ADGRB3: variants seen among roughly 807,000 people sequenced by gnomAD.
ADGRB3 encodes the protein brain-specific angiogenesis inhibitor 3.
A neutral mutation model predicts 193.4 loss-of-function variants in ADGRB3; 37 were observed. That is an observed-to-expected ratio of 0.19 (90% confidence interval 0.15 to 0.25). ADGRB3 has a LOEUF of 0.25. Ranked by LOEUF, ADGRB3 falls within the 10% of genes least tolerant of loss-of-function variation. The pLI is 1.00. For missense variants in ADGRB3, 1,637 were observed against 1,852.9 expected (o/e 0.88, Z 2.14); for synonymous variants, 690 against 644.2 (o/e 1.07, Z -1.08).
intron 3 of ADGRB3, among the ~76,000 whole-genome samples, chr6:68,822,594 C>G (rs1767766426): frequency 6.6e-6 from 1 of 152,038 alleles, no homozygotes; most frequent in East Asian, 1.9e-4. Context: ...AATTCAAAAG[C>G]TACCATTCAA....
chr6:69,368,966 T>TA (rs753647573), intron 29 of ADGRB3, among the ~76,000 whole-genome samples: 6 of 152,140 alleles, frequency 3.9e-5, no homozygotes, highest in Non-Finnish European at 7.4e-5. Context: ...TTCCATTACC[T>TA]ACTTTGAGAA....
chr6:69,274,153 G>A (rs547707798), intron 20 of ADGRB3, among the ~76,000 whole-genome samples: 2 of 152,294 alleles, frequency 1.3e-5, no homozygotes, highest in African/African-American at 4.8e-5. Context: ...ACATTGAAGT[G>A]TTCTCAGTTC....
At chr6:69,061,171 C>T (rs191506338) in intron 15 of ADGRB3, among the ~76,000 whole-genome samples, 135 of 151,854 alleles carry the variant, frequency 8.9e-4, no homozygotes, top group African/African-American at 2.9e-3. Context: ...TAACTCTTTA[C>T]TCTTAGGCTG....
At chr6:68,849,211 G>T (rs570579107) in intron 3 of ADGRB3, among the ~76,000 whole-genome samples, 1 of 152,070 alleles carries the variant, frequency 6.6e-6, no homozygotes, top group East Asian at 1.9e-4. Flanking sequence ...CCCAGTGAAA[G>T]TACTTCCTAA....
chr6:69,031,390 G>A (rs375274279), intron 13 of ADGRB3, among the ~76,000 whole-genome samples: 6 of 147,152 alleles, frequency 4.1e-5, no homozygotes, highest in East Asian at 2.0e-4. Context: ...GCAGTGAGCC[G>A]AGATCATGCC....
intron 3 of ADGRB3, among the ~76,000 whole-genome samples, chr6:68,847,378 G>A (rs548771617): frequency 6.6e-6 from 1 of 152,194 alleles, no homozygotes; most frequent in South Asian, 2.1e-4. Flanking sequence ...TGGGGCCAGG[G>A]GTGGAAATAC....
In ADGRB3 at chr6:69,361,374, C is replaced by G; in HGVS notation, c.4101C>G (p.Leu1367=). ...DQFNMNLEQH[L]APQEHMQNLP... ...TCAATATGAACTTAGAGCAACATCT[C>G]GCACCCCAGGAACATATGCAGAATT... is the stretch of plus-strand genomic sequence containing the variant. Residue 1367 remains leucine, a synonymous_variant, in exon 29 of 32, where the codon CTC becomes CTG. Coordinates refer to ENST00000370598, the MANE Select transcript of ADGRB3 (RefSeq NM_001704.3). The G allele has an allele frequency of 6.2e-7, 1 of 1,612,984 alleles. No homozygotes were observed.
chr6:69,118,538 G>A (rs1773596191), intron 17 of ADGRB3, among the ~76,000 whole-genome samples: 1 of 152,074 alleles, frequency 6.6e-6, no homozygotes, highest in African/African-American at 2.4e-5. Context: ...CTTCAAGTAA[G>A]TGTATATGAT....
intron 3 of ADGRB3, among the ~76,000 whole-genome samples, chr6:68,864,178 G>T (rs771692497): frequency 1.9e-4 from 29 of 152,134 alleles, no homozygotes; most frequent in Non-Finnish European, 5.9e-5. Context: ...TTTAGTGCAT[G>T]GATTTGTAAT....
chr6:68,911,812 CTT>C (rs79737496), intron 3 of ADGRB3, among the ~76,000 whole-genome samples: 93 of 119,886 alleles, frequency 7.8e-4, no homozygotes, highest in African/African-American at 1.0e-3. Flanking sequence ...TGGAAAATTA[CTT>C]TTTTTTTTTT....
intron 17 of ADGRB3, among the ~76,000 whole-genome samples, chr6:69,092,701 A>G (rs921572364): frequency 2.0e-5 from 3 of 152,192 alleles, no homozygotes; most frequent in Non-Finnish European, 4.4e-5. Flanking sequence ...TAAGCAAAAA[A>G]GTACATAGAA....
At chr6:69,337,434 T>C (rs1768877114) in intron 24 of ADGRB3, among the ~76,000 whole-genome samples, 1 of 152,134 alleles carries the variant, frequency 6.6e-6, no homozygotes, top group Non-Finnish European at 1.5e-5. Context: ...GCCTAAGTCC[T>C]ATTAAATTAG....
At chr6:69,273,866 C>A (rs1767233977) in intron 20 of ADGRB3, among the ~76,000 whole-genome samples, 1 of 152,102 alleles carries the variant, frequency 6.6e-6, no homozygotes, top group Non-Finnish European at 1.5e-5. Flanking sequence ...AACAATCTGT[C>A]ACTGGGGGTA....
At chr6:68,708,270 T>A (rs1765357843) in intron 3 of ADGRB3, among the ~76,000 whole-genome samples, 1 of 152,178 alleles carries the variant, frequency 6.6e-6, no homozygotes, top group African/African-American at 2.4e-5. Flanking sequence ...CCAAGCTATA[T>A]TATGTTCAAC....
At chr6:68,783,619 T>C (rs891667048) in intron 3 of ADGRB3, among the ~76,000 whole-genome samples, 1 of 151,392 alleles carries the variant, frequency 6.6e-6, no homozygotes, top group Non-Finnish European at 1.5e-5. Flanking sequence ...GTTGGAGGGA[T>C]AGTATGGGAG....
At chr6:68,858,498 C>CA (rs11435140) in intron 3 of ADGRB3, among the ~76,000 whole-genome samples, 34,827 of 76,442 alleles carry the variant, frequency 0.46, 6,199 homozygotes, top group East Asian at 0.65. Flanking sequence ...TGCAACACTC[C>CA]AAAAAAAAAA....
intron 3 of ADGRB3, among the ~76,000 whole-genome samples, chr6:68,725,257 A>C (rs1765652957): frequency 6.6e-6 from 1 of 151,678 alleles, no homozygotes; most frequent in South Asian, 2.1e-4. Flanking sequence ...GGATATATTG[A>C]GAATTTTAGG....
At chr6:69,359,226 T>A (rs746058831) in intron 28 of ADGRB3, among the ~76,000 whole-genome samples, 4 of 151,754 alleles carry the variant, frequency 2.6e-5, no homozygotes, top group Non-Finnish European at 5.9e-5. Flanking sequence ...AGATTTTTTT[T>A]AAGTATTTAT....
chr6:68,861,615 T>A (rs1765158739), intron 3 of ADGRB3, among the ~76,000 whole-genome samples: 1 of 152,322 alleles, frequency 6.6e-6, no homozygotes, highest in Non-Finnish European at 1.5e-5. Context: ...ACAACAGTTA[T>A]GCAAATATGC....
Sources: gnomAD v4.1 joint callset for allele counts (sites outside exome capture counted in the v4.1 genomes callset) on GRCh38, gnomAD v4.1.1 for gene constraint, MANE v1.5 for transcripts, NCBI Gene and HGNC (gene_info 2026-07-23, HGNC 2026-07-21) for gene names.